RAPGEF2: variants seen among roughly 807,000 people sequenced by gnomAD.
RAPGEF2 encodes Rap guanine nucleotide exchange factor 2, also known as PDZ domain containing guanine nucleotide exchange factor (GEF) 1.
RAPGEF2 carries 54 observed loss-of-function variants against 186.7 expected under a neutral mutation model. The ratio of observed to expected loss-of-function variants is 0.29; its 90% CI spans 0.23 to 0.36. The LOEUF (loss-of-function observed/expected upper bound fraction) is 0.36, where lower values mean the gene tolerates loss of function less well. Among genes scored for constraint, RAPGEF2 ranks in the 10% least tolerant of loss-of-function variants. The pLI is 1.00. For missense variants in RAPGEF2, 1,532 were observed against 2,045.0 expected (o/e 0.75, Z 4.84); for synonymous variants, 712 against 705.9 (o/e 1.01, Z -0.14).
intron 7 of RAPGEF2, chr4:159,267,604 C>G (rs573147281): frequency 1.7e-4 from 85 of 508,138 alleles, no homozygotes; most frequent in South Asian, 8.8e-4. Context: ...TGATTTTTTT[C>G]TTTCTTTCAT....
At chr4:159,340,352 T>C (rs1729216496) in intron 19 of RAPGEF2, among the ~76,000 whole-genome samples, 1 of 152,202 alleles carries the variant, frequency 6.6e-6, no homozygotes, top group Non-Finnish European at 1.5e-5. Context: ...CACATTGATA[T>C]ATCTGGAACC....
At chr4:159,142,164 T>A (rs1323443398) in intron 1 of RAPGEF2, among the ~76,000 whole-genome samples, 1 of 152,218 alleles carries the variant, frequency 6.6e-6, no homozygotes, top group Non-Finnish European at 1.5e-5. Context: ...TTTTTGACTT[T>A]GAAAGTAAGA....
At chr4:159,112,781 A>G (rs1738635158) in intron 1 of RAPGEF2, among the ~76,000 whole-genome samples, 1 of 152,226 alleles carries the variant, frequency 6.6e-6, no homozygotes, top group South Asian at 2.1e-4. Context: ...GATGAAAAAT[A>G]TCATCATAGA....
intron 7 of RAPGEF2, among the ~76,000 whole-genome samples, chr4:159,248,419 G>A (rs1350409218): frequency 1.3e-5 from 2 of 152,148 alleles, no homozygotes; most frequent in Non-Finnish European, 2.9e-5. Context: ...TTAGGAGAGT[G>A]GTGTCAAAAG....
chr4:159,194,394 C>T (rs1748410844), intron 3 of RAPGEF2, among the ~76,000 whole-genome samples: 1 of 152,100 alleles, frequency 6.6e-6, no homozygotes, highest in Non-Finnish European at 1.5e-5. Context: ...TCCTAAATAA[C>T]ATGTTATGGA....
intron 1 of RAPGEF2, among the ~76,000 whole-genome samples, chr4:159,109,011 A>C (rs1738204185): frequency 1.3e-5 from 2 of 152,094 alleles, no homozygotes. Flanking sequence ...GAACCACTGC[A>C]CCTGGTCCAT....
chr4:159,154,896 C>G (rs576874466), intron 1 of RAPGEF2, among the ~76,000 whole-genome samples: 1 of 152,028 alleles, frequency 6.6e-6, no homozygotes, highest in East Asian at 1.9e-4. Context: ...GAGGATAATC[C>G]GTGTACCATA....
chr4:159,157,616 C>T (rs565657817), intron 1 of RAPGEF2, among the ~76,000 whole-genome samples: 26 of 152,276 alleles, frequency 1.7e-4, no homozygotes, highest in Admixed American at 6.5e-4. Context: ...TTTTGTTGCA[C>T]TTGGTATCTG....
rs575743979 is a variant in RAPGEF2 at position 159,182,386 on chromosome 4, C to CTTTT, written c.70-4232_70-4229dup. Among the ~76,000 whole-genome samples, 80 of 85,670 alleles carry CTTTT rather than the reference C, an allele frequency of 9.3e-4. 3 individuals carry two copies. The highest frequency in any genetic ancestry group is 3.0e-3 in the African/African-American group (70 of 22,982). 56.2% of individuals were successfully genotyped at this position (85,670 alleles called of 152,430 possible). On this transcript the variant is annotated intron_variant, in intron 1 of 29. Transcript: ENST00000691494. ...AAGCTTCCTAGTATTTTCTTTTCTT[C>CTTTT]TTTTTTTTTTTTTTTTTTTTTTTTT...
chr4:159,262,216 T>A (rs1579660923), intron 7 of RAPGEF2, among the ~76,000 whole-genome samples: 1 of 152,364 alleles, frequency 6.6e-6, no homozygotes, highest in East Asian at 1.9e-4. Context: ...GTGGTTCCCC[T>A]CATCTAACTT....
At chr4:159,180,748 A>G (rs1354873606) in intron 1 of RAPGEF2, among the ~76,000 whole-genome samples, 1 of 152,306 alleles carries the variant, frequency 6.6e-6, no homozygotes, top group East Asian at 1.9e-4. Flanking sequence ...TCATGATTAT[A>G]TGGATATGAA....
intron 7 of RAPGEF2, chr4:159,282,671 C>T (rs1350837412): frequency 2.2e-6 from 1 of 450,170 alleles, no homozygotes; most frequent in Non-Finnish European, 4.4e-6. Flanking sequence ...TAAGGCTTGC[C>T]TTTCTGGTTA....
intron 1 of RAPGEF2, among the ~76,000 whole-genome samples, chr4:159,169,391 A>G (rs188569201): frequency 5.7e-4 from 87 of 152,346 alleles, no homozygotes; most frequent in African/African-American, 2.0e-3. Context: ...ACATTGTGGA[A>G]TAGCCAAATT....
In RAPGEF2 at chr4:159,331,500, C is replaced by G. The variant is rs750705636; in HGVS notation, c.1537C>G (p.Arg513Gly). ...CTTTGAAGGAGATCCTGCAATGACT[C>G]GATTTTTAGAAGAATTTGAAAACAA... ...NDFEGDPAMT[R>G]FLEEFENNLE... Residue 513 changes from arginine to glycine, a missense_variant, in exon 14 of 30, where the codon CGA becomes GGA. By Grantham distance (125) the Arg-to-Gly change is moderately radical. Coordinates refer to ENST00000691494, the MANE Select transcript of RAPGEF2 (RefSeq NM_001394067.2). 11 of 1,613,182 alleles carry G rather than the reference C, an allele frequency of 6.8e-6. No individual in the cohort carries two copies. In the Admixed American group the frequency reaches 1.0e-4, roughly 15 times the overall value.
chr4:159,133,821 G>T (rs1169230845), intron 1 of RAPGEF2, among the ~76,000 whole-genome samples: 1 of 152,134 alleles, frequency 6.6e-6, no homozygotes, highest in African/African-American at 2.4e-5. Flanking sequence ...CTGACCTTGT[G>T]ATCCGCCCGC....
rs1481713556 is a variant in RAPGEF2 at position 159,330,538 on chromosome 4, G to A, written c.1467+40G>A. The A allele has an allele frequency of 2.1e-6, 3 of 1,440,974 alleles. No homozygotes were observed. In the Admixed American group the frequency reaches 6.4e-5, roughly 31 times the overall value. The allele number at this position is 1,440,974 out of a possible 1,614,324, so 89.3% of individuals were successfully genotyped here. On this transcript the variant is annotated intron_variant, in intron 13 of 29. Transcript: ENST00000691494. ...CTATTTTGTCTCTTAAATATGAAATGTAAACCTAAAGATACTTTAATGTGT... is the reference window on the plus strand; with the variant it reads ...CTATTTTGTCTCTTAAATATGAAATATAAACCTAAAGATACTTTAATGTGT...
intron 7 of RAPGEF2, among the ~76,000 whole-genome samples, chr4:159,284,727 C>T (rs1760222484): frequency 6.6e-6 from 1 of 152,130 alleles, no homozygotes; most frequent in Non-Finnish European, 1.5e-5. Flanking sequence ...ATATAAAATT[C>T]TTGAAAATTG....
intron 7 of RAPGEF2, among the ~76,000 whole-genome samples, chr4:159,247,755 C>CTTTTTTTTTT (rs56053207): frequency 1.2e-5 from 1 of 83,474 alleles, no homozygotes; most frequent in African/African-American, 4.7e-5. Flanking sequence ...TAATTTGTTT[C>CTTTTTTTTTT]TTTTTTTTTT....
At chr4:159,192,543 CTT>C (rs1748226561) in intron 2 of RAPGEF2, among the ~76,000 whole-genome samples, 1 of 152,164 alleles carries the variant, frequency 6.6e-6, no homozygotes, top group Non-Finnish European at 1.5e-5. Flanking sequence ...ATGTAATTGA[CTT>C]AATATAATAG....
Sources: allele counts gnomAD v4.1 joint callset (sites outside exome capture counted in the v4.1 genomes callset), GRCh38; gene constraint gnomAD v4.1.1; transcripts MANE v1.5; gene names NCBI Gene and HGNC (gene_info 2026-07-23, HGNC 2026-07-21).